Variants in COL11A1 observed in about 807,000 individuals in gnomAD.
COL11A1 encodes the protein collagen alpha-1(XI) chain.
A neutral mutation model predicts 265.2 loss-of-function variants in COL11A1; 74 were observed. The ratio of observed to expected loss-of-function variants is 0.28; its 90% confidence interval spans 0.23 to 0.34. The LOEUF (loss-of-function observed/expected upper bound fraction) is 0.34, where lower values mean the gene tolerates loss of function less well. Among genes scored for constraint, COL11A1 ranks in the 10% least tolerant of loss-of-function variants. COL11A1 has a pLI of 1.00. For synonymous variants in COL11A1, 816 were observed against 727.6 expected (o/e 1.12, Z -1.96); for missense variants, 2,165 against 2,263.6 (o/e 0.96, Z 0.88).
intron 41 of COL11A1, among the ~76,000 whole-genome samples, chr1:102,961,115 G>A (rs1333839035): frequency 1.3e-5 from 2 of 152,092 alleles, no homozygotes; most frequent in East Asian, 3.9e-4. Context: ...TTAGATTGGT[G>A]AAATAAGAAA....
At chr1:103,052,595 CACA>C (rs1344034543) in intron 4 of COL11A1, among the ~76,000 whole-genome samples, 4 of 152,090 alleles carry the variant, frequency 2.6e-5, no homozygotes, top group South Asian at 2.1e-4. Flanking sequence ...CTTACTTAAG[CACA>C]ACAATTGACA....
At chr1:102,931,253 C>G (rs1472405634) in intron 46 of COL11A1, among the ~76,000 whole-genome samples, 1 of 151,344 alleles carries the variant, frequency 6.6e-6, no homozygotes, top group Middle Eastern at 3.2e-3. Context: ...TCCCTCTACC[C>G]ACTGCTTTGA....
intron 41 of COL11A1, among the ~76,000 whole-genome samples, chr1:102,954,401 TAAATG>T (rs142376925): frequency 0.011 from 1,629 of 152,328 alleles, 28 homozygotes; most frequent in African/African-American, 0.037. Context: ...ATTTGTAAAG[TAAATG>T]AAAGTGATAG....
intron 22 of COL11A1, 24 bp downstream of exon 22, chr1:103,002,723 A>T: frequency 6.2e-7 from 1 of 1,600,020 alleles, no homozygotes; most frequent in Non-Finnish European, 8.6e-7. Flanking sequence ...AATATGAGTT[A>T]TTTTATCACT....
At chr1:103,001,120 G>A in intron 24 of COL11A1, 1 of 397,428 alleles carries the variant, frequency 2.5e-6, no homozygotes, top group Non-Finnish European at 4.4e-6. Flanking sequence ...AGGTCTGAGG[G>A]GGTGGAAACA....
rs1233186933 is a variant in COL11A1, at chr1:102,912,209, G to A, written c.4036C>T (p.Pro1346Ser). Residue 1346 changes from proline to serine, a missense_variant, in exon 54 of 67, where the codon CCT becomes TCT. Coordinates refer to ENST00000370096, the MANE Select transcript of COL11A1 (RefSeq NM_001854.4). ...GEDGDPGQPG[P>S]PGPSGEAGPP... The stretch of plus-strand genomic sequence containing the variant: ...CCAGCCTCACCAGATGGGCCAGGAG[G>A]ACCCTATAAAATGTGAAAAAATACC... 2.5e-6 allele frequency: 4 copies of A among 1,608,648 alleles called. No homozygotes were observed. Among genetic ancestry groups the A allele is most frequent in the Middle Eastern group, 1.7e-4 (1 of 6,046 alleles).
chr1:103,056,536 G>A (rs1254672365), intron 4 of COL11A1, among the ~76,000 whole-genome samples: 1 of 152,150 alleles, frequency 6.6e-6, no homozygotes, highest in Non-Finnish European at 1.5e-5. Context: ...AGGCCTGTAA[G>A]TGAATATCAT....
At chr1:102,953,504 TAG>T (rs1381401032) in intron 41 of COL11A1, among the ~76,000 whole-genome samples, 2 of 152,170 alleles carry the variant, frequency 1.3e-5, no homozygotes, top group African/African-American at 4.8e-5. Context: ...CCTGTCATAA[TAG>T]AGACAGAAAT....
At chr1:102,982,247 T>G (rs547409300) in intron 31 of COL11A1, among the ~76,000 whole-genome samples, 48 of 152,160 alleles carry the variant, frequency 3.2e-4, no homozygotes, top group African/African-American at 8.9e-4. Flanking sequence ...CTGTTGCATT[T>G]TGTTAATAAA....
chr1:102,947,966 TTAA>T (rs1237562034), intron 41 of COL11A1, among the ~76,000 whole-genome samples: 1 of 151,820 alleles, frequency 6.6e-6, no homozygotes, highest in African/African-American at 2.4e-5. Flanking sequence ...GTATTTTTTC[TTAA>T]TAATTAACAT....
rs1173031118 is a variant in COL11A1, at chr1:102,883,245, G to T, written c.4925C>A (p.Thr1642Lys). ...GDSFKVYCNFTSGGETCIYPD... is the reference protein window; with the variant it reads ...GDSFKVYCNFKSGGETCIYPD... ...ATAAATGCAAGTCTCACCACCAGAT[G>T]TGAAATTACAGTAAACTTTGAAGGA... Residue 1642 changes from threonine (T) to lysine (K), a missense_variant, in exon 64 of 67, where the codon ACA (threonine) becomes AAA (lysine). By Grantham distance (78) the Thr-to-Lys change is moderately conservative (BLOSUM62 -1). Transcript: ENST00000370096. 1.2e-6 allele frequency: 2 copies of T among 1,613,580 alleles called. No homozygotes were observed. Among genetic ancestry groups the T allele is most frequent in the African/African-American group, 2.7e-5 (2 of 74,996 alleles).
At chr1:102,888,433 G>T (rs1429184306) in intron 62 of COL11A1, 144 bp downstream of exon 62, 4 of 728,188 alleles carry the variant, frequency 5.5e-6, no homozygotes, top group African/African-American at 5.3e-5. Context: ...ATGTAGATTT[G>T]ATTACTTAAA....
chr1:103,086,332 C>T (rs529797890), intron 1 of COL11A1, among the ~76,000 whole-genome samples: 11 of 151,242 alleles, frequency 7.3e-5, no homozygotes, highest in African/African-American at 2.7e-4. Context: ...AAACAAAATG[C>T]ATCCCCACTG....
At chr1:103,064,754 C>T (rs1320034318) in intron 4 of COL11A1, among the ~76,000 whole-genome samples, 3 of 143,814 alleles carry the variant, frequency 2.1e-5, no homozygotes, top group South Asian at 2.3e-4. Flanking sequence ...TATTACTTGG[C>T]GAAAGGGGCT....
At chr1:103,023,591 A>T (rs1017172821) in intron 7 of COL11A1, among the ~76,000 whole-genome samples, 15 of 152,046 alleles carry the variant, frequency 9.9e-5, no homozygotes, top group Non-Finnish European at 1.6e-4. Flanking sequence ...TCCCGACCTG[A>T]GGTGATCCAC....
chr1:102,952,333 G>T (rs1000836323), intron 41 of COL11A1, among the ~76,000 whole-genome samples: 3 of 152,064 alleles, frequency 2.0e-5, no homozygotes, highest in Non-Finnish European at 4.4e-5. Context: ...TCTTGACCTC[G>T]TGATCCACCT....
chr1:102,988,855 T>C (rs1408555888), intron 29 of COL11A1, among the ~76,000 whole-genome samples: 2 of 152,140 alleles, frequency 1.3e-5, no homozygotes, highest in African/African-American at 4.8e-5. Context: ...TTTAAGAACT[T>C]GTATATGGAT....
Position 103,015,765 on chromosome 1 carries a change from C to T in COL11A1, c.1414-23G>A, listed in dbSNP as rs1464342578. ...GCCCTAGAAAAATAAATGAAATAACCAAAATAAATAAATATCAAAATAATA... is the reference window on the plus strand; with the variant it reads ...GCCCTAGAAAAATAAATGAAATAACTAAAATAAATAAATATCAAAATAATA... On this transcript the variant is annotated intron_variant, in intron 11 of 66. Coordinates refer to ENST00000370096, the MANE Select transcript of COL11A1 (RefSeq NM_001854.4). The T allele has an allele frequency of 2.1e-6, 3 of 1,443,944 alleles. No homozygotes were observed. In the African/African-American group the frequency reaches 4.3e-5, roughly 21 times the overall value. The allele number at this position is 1,443,944 out of a possible 1,614,324, so 89.4% of individuals were successfully genotyped here.
intron 4 of COL11A1, among the ~76,000 whole-genome samples, chr1:103,044,242 C>T (rs186170470): frequency 6.7e-6 from 1 of 150,240 alleles, no homozygotes; most frequent in African/African-American, 2.5e-5. Flanking sequence ...AGGAAAGTTG[C>T]CAAAATGCTT....
Sources: allele counts gnomAD v4.1 joint callset (sites outside exome capture counted in the v4.1 genomes callset), GRCh38; gene constraint gnomAD v4.1.1; transcripts MANE v1.5; gene names NCBI Gene and HGNC (gene_info 2026-07-23, HGNC 2026-07-21).